The following LRP2 variants were observed in gnomAD, a reference collection of about 807,000 sequenced individuals.
LRP2 encodes the protein low-density lipoprotein receptor-related protein 2.
Under a neutral mutation model 531.0 loss-of-function variants are expected in LRP2, and 172 were observed. The ratio of observed to expected loss-of-function variants is 0.32; its 90% confidence interval spans 0.29 to 0.37. LRP2 has a LOEUF of 0.37. Among genes scored for constraint, LRP2 ranks in the 10% least tolerant of loss-of-function variants. LRP2 has a pLI of 1.00. For synonymous variants in LRP2, 1,992 were observed against 2,027.6 expected, an observed-to-expected ratio of 0.98 and a Z score of 0.47; for missense variants, 5,167 against 5,868.3, an observed-to-expected ratio of 0.88 and a Z score of 3.90.
rs546091169 is a variant in LRP2 at position 169,127,728 on chromosome 2, C to T, written c.*935G>A. On this transcript the variant is annotated 3_prime_UTR_variant, in exon 79 of 79. Transcript: ENST00000649046. ...TGATATTTTCATAGAAACAAAAACC[C>T]AGTTGAGGCTTTACTTAACTGGTAT... is the stretch of plus-strand genomic sequence containing the variant. The T allele has an allele frequency of 1.4e-5, 2 of 148,068 alleles. No individual in the cohort carries two copies. The highest frequency in any genetic ancestry group is 5.0e-5 in the African/African-American group (2 of 40,004). The allele number at this position is 148,068 out of a possible 1,614,324, so 9.2% of individuals were successfully genotyped here. A position where few individuals can be genotyped will look rare whatever the true frequency, so the allele number is the denominator to read the frequency against.
At chr2:169,273,692 C>CTTAGGA (rs1683481010) in intron 14 of LRP2, among the ~76,000 whole-genome samples, 1 of 152,138 alleles carries the variant, frequency 6.6e-6, no homozygotes, top group Non-Finnish European at 1.5e-5. Context: ...AGAGCACTGC[C>CTTAGGA]ACAGCTAGAA....
Position 169,362,480 on chromosome 2 carries a change from T to C in LRP2, c.-81A>G, listed in dbSNP as rs1254200767. ...CACACCGCACCGGCAGCGCCTCTGC[T>C]AGCGAACGCTCCTTTAGGTCTGCAC... On this transcript the variant is annotated 5_prime_UTR_variant, in exon 1 of 79. Coordinates refer to ENST00000649046, the MANE Select transcript of LRP2 (RefSeq NM_004525.3). 1 of 1,243,782 alleles carries C rather than the reference T, an allele frequency of 8.0e-7. No individual in the cohort carries two copies. The highest frequency in any genetic ancestry group is 1.1e-6 in the Non-Finnish European group (1 of 878,790). The allele number at this position is 1,243,782 out of a possible 1,614,324, so 77.0% of individuals were successfully genotyped here.
In LRP2 at chr2:169,201,738, T is replaced by C. The variant is rs1054438192; in HGVS notation, c.8342A>G (p.Asn2781Ser). ...DEAGCLFRDC[N>S]ATTEFMCNNR... is the part of the protein sequence containing the mutation. Reference sequence around the variant, plus strand: ...ATTGCACATAAACTCCGTGGTGGCATTGCAGTCCCTGAACAGGCACCCTGC... The same window carrying C: ...ATTGCACATAAACTCCGTGGTGGCACTGCAGTCCCTGAACAGGCACCCTGC... Residue 2781 changes from asparagine to serine, a missense_variant, in exon 44 of 79, where the codon AAT (asparagine) becomes AGT (serine). Physicochemically the swap from Asn to Ser is conservative, Grantham distance 46. Around this residue, in one of 6 missense-constraint regions of LRP2, gnomAD observed 1,129 missense variants for 1,362.7 expected, o/e 0.83. Coordinates refer to ENST00000649046, the MANE Select transcript of LRP2 (RefSeq NM_004525.3). 1 of 1,614,074 alleles carries C rather than the reference T, an allele frequency of 6.2e-7. No individual in the cohort carries two copies. The highest frequency in any genetic ancestry group is 1.3e-5 in the African/African-American group (1 of 74,914).
intron 3 of LRP2, among the ~76,000 whole-genome samples, chr2:169,311,088 C>A (rs949909843): frequency 2.0e-5 from 3 of 152,120 alleles, no homozygotes; most frequent in Non-Finnish European, 4.4e-5. Context: ...TGATTCTTCT[C>A]TCTTTTTTCG....
chr2:169,234,122 G>GT (rs1452097718), intron 29 of LRP2, among the ~76,000 whole-genome samples: 2 of 152,070 alleles, frequency 1.3e-5, no homozygotes, highest in Admixed American at 6.5e-5. Flanking sequence ...TTTTTAAATT[G>GT]TTTTTAATTT....
intron 16 of LRP2, among the ~76,000 whole-genome samples, chr2:169,266,751 C>T (rs966730384): frequency 6.6e-6 from 1 of 151,994 alleles, no homozygotes; most frequent in Non-Finnish European, 1.5e-5. Context: ...AGATGTCTTC[C>T]CCTTTAATCA....
chr2:169,275,892 G>C (rs767380525), intron 13 of LRP2, among the ~76,000 whole-genome samples: 1 of 152,014 alleles, frequency 6.6e-6, no homozygotes, highest in East Asian at 1.9e-4. Flanking sequence ...TAAGCGAAGA[G>C]AGGAAATCAA....
intron 62 of LRP2, 34 bp downstream of exon 62, chr2:169,165,898 T>C (rs1686763038): frequency 6.2e-7 from 1 of 1,613,248 alleles, no homozygotes; most frequent in South Asian, 1.1e-5. Context: ...TTGGGGTCCT[T>C]CCTTTTTCCT....
intron 77 of LRP2, among the ~76,000 whole-genome samples, chr2:169,129,880 C>A (rs1685222487): frequency 6.6e-6 from 1 of 152,146 alleles, no homozygotes; most frequent in South Asian, 2.1e-4. Context: ...TGGTGGGAGA[C>A]AAGGGAACAG....
At chr2:169,285,764 C>CT (rs1269626639) in intron 9 of LRP2, among the ~76,000 whole-genome samples, 1 of 152,162 alleles carries the variant, frequency 6.6e-6, no homozygotes, top group African/African-American at 2.4e-5. Flanking sequence ...CAGTAAACTG[C>CT]TTCAGCATGC....
intron 67 of LRP2, 36 bp from the exon 68 acceptor site, chr2:169,151,062 GC>G: frequency 6.2e-7 from 1 of 1,612,392 alleles, no homozygotes; most frequent in Non-Finnish European, 8.5e-7. Context: ...CAACTGCAAA[GC>G]CTAGAGTAAT....
chr2:169,256,485 T>C (rs1690308537), intron 18 of LRP2, among the ~76,000 whole-genome samples: 2 of 152,192 alleles, frequency 1.3e-5, no homozygotes, highest in African/African-American at 4.8e-5. Flanking sequence ...GCCAGAAATT[T>C]TATTTTCTCC....
intron 1 of LRP2, among the ~76,000 whole-genome samples, chr2:169,339,105 G>T (rs1685496204): frequency 7.8e-6 from 1 of 128,950 alleles, no homozygotes; most frequent in South Asian, 2.3e-4. Flanking sequence ...CAATTCTACA[G>T]GGTTTTTTTT....
At chr2:169,333,784 C>T (rs141064903) in intron 1 of LRP2, among the ~76,000 whole-genome samples, 19 of 152,292 alleles carry the variant, frequency 1.2e-4, no homozygotes, top group African/African-American at 4.6e-4. Context: ...AAAAGAACTT[C>T]AGAACATGCC....
At chr2:169,335,902 C>T (rs1685389680) in intron 1 of LRP2, among the ~76,000 whole-genome samples, 1 of 151,582 alleles carries the variant, frequency 6.6e-6, no homozygotes, top group Admixed American at 6.6e-5. Context: ...GTAGTCCCAG[C>T]TACTTGGGAG....
chr2:169,205,416 C>A, intron 41 of LRP2, 63 bp downstream of exon 41: 5 of 1,573,316 alleles, frequency 3.2e-6, no homozygotes, highest in Admixed American at 3.3e-5. Flanking sequence ...GCAAATCCCT[C>A]TTCTTTGGAA....
At chr2:169,282,395 A>G (rs1261157206) in intron 10 of LRP2, among the ~76,000 whole-genome samples, 7 of 152,220 alleles carry the variant, frequency 4.6e-5, no homozygotes, top group Non-Finnish European at 1.0e-4. Flanking sequence ...ACTGATTCCA[A>G]CAAATTACCC....
intron 16 of LRP2, among the ~76,000 whole-genome samples, chr2:169,270,560 C>T (rs1338757954): frequency 1.4e-5 from 2 of 143,300 alleles, no homozygotes; most frequent in South Asian, 2.2e-4. Context: ...GAACAATGAG[C>T]ACACATGGAC....
chr2:169,142,940 T>C (rs1424911674), intron 70 of LRP2, 147 bp from the exon 71 acceptor site: 5 of 824,720 alleles, frequency 6.1e-6, no homozygotes, highest in Admixed American at 3.8e-5. Context: ...CCACTCACCC[T>C]CATTTACACT....
Sources: allele counts gnomAD v4.1 joint callset (sites outside exome capture counted in the v4.1 genomes callset), GRCh38; gene constraint gnomAD v4.1.1; regional missense constraint gnomAD v4.1.1; transcripts MANE v1.5; gene names NCBI Gene and HGNC (gene_info 2026-07-23, HGNC 2026-07-21).